ARHGEF38: variants seen among roughly 807,000 people sequenced by gnomAD.
ARHGEF38 encodes Rho guanine nucleotide exchange factor 38.
Under a neutral mutation model 79.9 loss-of-function variants are expected in ARHGEF38, and 79 were observed. The observed-to-expected ratio is 0.99, with a 90% confidence interval of 0.82 to 1.19. The LOEUF (loss-of-function observed/expected upper bound fraction) is 1.19. Ranked by LOEUF, ARHGEF38 falls within the 50% of genes most tolerant of loss-of-function variation. The pLI, the probability that ARHGEF38 is intolerant of heterozygous loss-of-function variation, is 0.00. For synonymous variants in ARHGEF38, 366 were observed against 328.3 expected (o/e 1.11, Z -1.24); for missense variants, 962 against 907.2 (o/e 1.06, Z -0.78).
At chr4:105,578,619 A>T (rs188436161) in intron 1 of ARHGEF38, among the ~76,000 whole-genome samples, 1 of 152,142 alleles carries the variant, frequency 6.6e-6, no homozygotes, top group Non-Finnish European at 1.5e-5. Flanking sequence ...TGAATTTAGG[A>T]TTATGATATC....
At chr4:105,660,162 A>G (rs920726075) in intron 10 of ARHGEF38, among the ~76,000 whole-genome samples, 1 of 152,142 alleles carries the variant, frequency 6.6e-6, no homozygotes, top group Admixed American at 6.6e-5. Context: ...GGCTATGTTT[A>G]CAGGGTTCAA....
At position 105,654,050 on chromosome 4, in the gene ARHGEF38, T is replaced by G; in HGVS notation, c.1009-15T>G. On this transcript the variant is annotated splice_polypyrimidine_tract_variant and intron_variant, in intron 7 of 13. Coordinates refer to ENST00000420470, the MANE Select transcript of ARHGEF38 (RefSeq NM_001242729.2). ...TTTCATTTGAGTTATGAAAATAATT[T>G]CATATATATTTTAGGTTAAAGACAA... is the stretch of plus-strand genomic sequence containing the variant. 7.5e-7 allele frequency: 1 copy of G among 1,335,176 alleles called. No homozygotes were observed. The highest frequency in any genetic ancestry group is 1.0e-6 in the Non-Finnish European group (1 of 991,286). The allele number at this position is 1,335,176 out of a possible 1,614,324, so 82.7% of individuals were successfully genotyped here.
Position 105,663,511 on chromosome 4 carries a change from TACAAATTTG to T in ARHGEF38, c.1546-2663_1546-2655del, listed in dbSNP as rs1285577799. Among the ~76,000 whole-genome samples the T allele has an allele frequency of 3.9e-5, 6 of 152,212 alleles. No homozygotes were observed. In the East Asian group the frequency reaches 9.6e-4, roughly 24 times the overall value. ...CAACCATCATTCTATTTTCTGTTTCTACAAATTTGACTACTTTAAATACCTCATGTAAAT... is the reference window on the plus strand; with the variant it reads ...CAACCATCATTCTATTTTCTGTTTCTACTACTTTAAATACCTCATGTAAAT... On this transcript the variant is annotated intron_variant, in intron 10 of 13. Transcript: ENST00000420470.
At chr4:105,587,634 G>A (rs111915706) in intron 1 of ARHGEF38, among the ~76,000 whole-genome samples, 3 of 152,026 alleles carry the variant, frequency 2.0e-5, no homozygotes, top group Non-Finnish European at 2.9e-5. Flanking sequence ...CTCTTTTGTT[G>A]TATTTTTAGT....
intron 3 of ARHGEF38, among the ~76,000 whole-genome samples, chr4:105,624,199 G>A (rs1728851940): frequency 6.6e-6 from 1 of 151,972 alleles, no homozygotes; most frequent in African/African-American, 2.4e-5. Flanking sequence ...TATTTTTTCT[G>A]AACTTATCTT....
chr4:105,570,375 A>G (rs1336531780), intron 1 of ARHGEF38: 1 of 152,222 alleles, frequency 6.6e-6, no homozygotes, highest in Non-Finnish European at 1.5e-5. Context: ...ACACGTTTAT[A>G]AACAAAATGC....
chr4:105,593,875 C>T (rs1727455047), intron 2 of ARHGEF38, among the ~76,000 whole-genome samples: 1 of 152,154 alleles, frequency 6.6e-6, no homozygotes, highest in Admixed American at 6.6e-5. Context: ...ATTATGGTAA[C>T]ATTTATGGTC....
chr4:105,561,397 GAAT>G (rs67487825), intron 1 of ARHGEF38, among the ~76,000 whole-genome samples: 18,394 of 34,824 alleles, frequency 0.53, 5,036 homozygotes, highest in South Asian at 0.69. Context: ...AAATAGAGTA[GAAT>G]AATAGAATAG....
At chr4:105,672,239 T>G (rs752090603) in intron 13 of ARHGEF38, among the ~76,000 whole-genome samples, 1 of 152,236 alleles carries the variant, frequency 6.6e-6, no homozygotes, top group Non-Finnish European at 1.5e-5. Context: ...AAAAGAAGTC[T>G]ACCTTTTTAA....
chr4:105,577,301 T>C (rs906082833), intron 1 of ARHGEF38, among the ~76,000 whole-genome samples: 5 of 136,490 alleles, frequency 3.7e-5, no homozygotes, highest in Non-Finnish European at 7.7e-5. Flanking sequence ...CCTTCCTGTG[T>C]CCATGTGTTC....
At chr4:105,654,771 A>T (rs1206746520) in intron 8 of ARHGEF38, among the ~76,000 whole-genome samples, 1 of 152,162 alleles carries the variant, frequency 6.6e-6, no homozygotes, top group Non-Finnish European at 1.5e-5. Flanking sequence ...TTTCTAATCG[A>T]TCTCATAAAG....
chr4:105,562,877 C>G (rs1417446239), intron 1 of ARHGEF38, among the ~76,000 whole-genome samples: 1 of 152,162 alleles, frequency 6.6e-6, no homozygotes, highest in South Asian at 2.1e-4. Flanking sequence ...AGCCTGGGCA[C>G]AGGGAGAGGC....
chr4:105,580,359 T>C (rs1157244402), intron 1 of ARHGEF38, among the ~76,000 whole-genome samples: 1 of 152,224 alleles, frequency 6.6e-6, no homozygotes, highest in Non-Finnish European at 1.5e-5. Context: ...TTTAGTGCTA[T>C]ATATTTCCCT....
At chr4:105,657,745 G>T (rs1730397899) in intron 9 of ARHGEF38, among the ~76,000 whole-genome samples, 1 of 152,054 alleles carries the variant, frequency 6.6e-6, no homozygotes, top group Admixed American at 6.6e-5. Context: ...TATCTCATAA[G>T]CTAGACATCA....
rs943208470 is a variant in ARHGEF38, at chr4:105,576,400, T to C, written c.197-12848T>C. Among the ~76,000 whole-genome samples, 21 of 119,330 alleles carry C rather than the reference T, an allele frequency of 1.8e-4. No homozygotes were observed. The East Asian group carries it at 5.8e-3, about 33-fold the overall frequency. The allele number at this position is 119,330 out of a possible 152,430, so 78.3% of individuals were successfully genotyped here. Reference sequence around the variant, plus strand: ...GTATATTCTTAGTTATTCAATTTTCTTTTCTTCTTTTTTTTTTTTTTTTGC... The same window carrying C: ...GTATATTCTTAGTTATTCAATTTTCCTTTCTTCTTTTTTTTTTTTTTTTGC... On this transcript the variant is annotated intron_variant, in intron 1 of 13. Transcript: ENST00000420470.
chr4:105,659,007 A>G (rs1245269329), intron 9 of ARHGEF38, 47 bp from the exon 10 acceptor site: 2 of 1,471,932 alleles, frequency 1.4e-6, no homozygotes, highest in East Asian at 2.5e-5. Flanking sequence ...TGGACAAGGT[A>G]TGGGCTGATC....
intron 1 of ARHGEF38, among the ~76,000 whole-genome samples, chr4:105,580,250 C>T (rs772096578): frequency 2.0e-5 from 3 of 152,158 alleles, no homozygotes; most frequent in Non-Finnish European, 4.4e-5. Context: ...TTTGTGTCTT[C>T]TGCTAGCTTG....
chr4:105,554,830 T>C (rs1474660458), intron 1 of ARHGEF38, among the ~76,000 whole-genome samples: 1 of 152,056 alleles, frequency 6.6e-6, no homozygotes, highest in Admixed American at 6.6e-5. Flanking sequence ...ACTTGCCCAA[T>C]ATTAATCGAA....
intron 5 of ARHGEF38, among the ~76,000 whole-genome samples, chr4:105,637,058 C>T (rs995753612): frequency 4.6e-5 from 7 of 152,056 alleles, no homozygotes; most frequent in African/African-American, 1.7e-4. Context: ...GACTTCAATA[C>T]AAACTCCAAT....
Sources: allele counts gnomAD v4.1 joint callset (sites outside exome capture counted in the v4.1 genomes callset), GRCh38; gene constraint gnomAD v4.1.1; transcripts MANE v1.5; gene names NCBI Gene and HGNC (gene_info 2026-07-23, HGNC 2026-07-21).